The following RORB variants were observed in gnomAD, a reference collection of about 807,000 sequenced individuals.
The protein encoded by RORB is RAR related orphan receptor B.
RORB carries 6 observed loss-of-function variants against 59.1 expected under a neutral mutation model. The observed-to-expected ratio is 0.10, with a 90% CI of 0.06 to 0.20. The LOEUF (loss-of-function observed/expected upper bound fraction) is 0.20. RORB is among the 10% of genes least tolerant of loss of function. The probability of loss-of-function intolerance (pLI) is 1.00; values close to 1 mark genes in which losing one functional copy is unlikely to be tolerated. For synonymous variants in RORB, 215 were observed against 204.5 expected (o/e 1.05, Z -0.44); for missense variants, 320 against 560.5 (o/e 0.57, Z 4.33).
chr9:74,559,172 GA>G (rs554303923), intron 1 of RORB, among the ~76,000 whole-genome samples: 1 of 152,114 alleles, frequency 6.6e-6, no homozygotes, highest in Non-Finnish European at 1.5e-5. Flanking sequence ...CTACTGTTTC[GA>G]AAAATCCAAG....
chr9:74,689,508 C>A lies in RORB; in HGVS notation c.*3890C>A, dbSNP rs773394640. On this transcript the variant is annotated 3_prime_UTR_variant, in exon 10 of 10. Transcript: ENST00000376896. ...CCTTGTTTTAGCACTGTGTTCAGGG[C>A]TCTGGACTAAAGTACCTCTGAGTAG... 1.3e-5 allele frequency: 2 copies of A among 152,206 alleles called. No individual in the cohort carries two copies. The highest frequency in any genetic ancestry group is 2.9e-5 in the Non-Finnish European group (2 of 68,054). 9.4% of individuals were successfully genotyped at this position (152,206 alleles called of 1,614,324 possible).
At chr9:74,547,547 C>A (rs1826519762) in intron 1 of RORB, among the ~76,000 whole-genome samples, 1 of 152,076 alleles carries the variant, frequency 6.6e-6, no homozygotes, top group Non-Finnish European at 1.5e-5. Flanking sequence ...GTCAGGGAGG[C>A]CTCACTAAAA....
intron 3 of RORB, among the ~76,000 whole-genome samples, chr9:74,639,682 A>G (rs2118451917): frequency 6.6e-6 from 1 of 152,348 alleles, no homozygotes; most frequent in African/African-American, 2.4e-5. Flanking sequence ...AGCAATGGAT[A>G]CAAACCTTGT....
intron 2 of RORB, among the ~76,000 whole-genome samples, chr9:74,630,895 T>C (rs1823607212): frequency 6.6e-6 from 1 of 151,682 alleles, no homozygotes; most frequent in Non-Finnish European, 1.5e-5. Flanking sequence ...AGATTAACTC[T>C]AAATCGACTA....
chr9:74,668,815 A>G (rs1019991450), intron 8 of RORB, among the ~76,000 whole-genome samples: 4 of 152,104 alleles, frequency 2.6e-5, no homozygotes, highest in South Asian at 2.1e-4. Context: ...AAATCTTCAT[A>G]TAACTTGACC....
intron 1 of RORB, among the ~76,000 whole-genome samples, chr9:74,565,213 G>T (rs1048017239): frequency 2.6e-5 from 4 of 152,106 alleles, no homozygotes; most frequent in Non-Finnish European, 5.9e-5. Flanking sequence ...CCCAATCTTT[G>T]CAAAGACACA....
At chr9:74,514,989 T>A (rs533096793) in intron 1 of RORB, among the ~76,000 whole-genome samples, 22 of 150,986 alleles carry the variant, frequency 1.5e-4, no homozygotes, top group Non-Finnish European at 2.9e-4. Context: ...CAACTCTATA[T>A]CTTCTCCATA....
chr9:74,674,558 G>A (rs1312770211), intron 9 of RORB, among the ~76,000 whole-genome samples: 1 of 151,982 alleles, frequency 6.6e-6, no homozygotes, highest in Admixed American at 6.5e-5. Flanking sequence ...CATCTTGCAA[G>A]GGCAATCTCC....
chr9:74,516,701 CA>C (rs1587336659), intron 1 of RORB, among the ~76,000 whole-genome samples: 1 of 151,998 alleles, frequency 6.6e-6, no homozygotes, highest in East Asian at 1.9e-4. Flanking sequence ...ACTTAACTGA[CA>C]TATCAGTTAC....
chr9:74,627,566 CA>C (rs781356071), intron 1 of RORB, among the ~76,000 whole-genome samples: 1 of 152,186 alleles, frequency 6.6e-6, no homozygotes, highest in African/African-American at 2.4e-5. Context: ...TGTCACACCC[CA>C]GGGGGCAAAT....
chr9:74,556,460 T>C (rs1822291477), intron 1 of RORB, among the ~76,000 whole-genome samples: 1 of 152,178 alleles, frequency 6.6e-6, no homozygotes, highest in East Asian at 1.9e-4. Flanking sequence ...GCTGGAGTTA[T>C]GCAGCCAAAG....
chr9:74,594,764 CTA>C (rs1459935777), intron 1 of RORB, among the ~76,000 whole-genome samples: 42 of 151,928 alleles, frequency 2.8e-4, no homozygotes, highest in African/African-American at 9.9e-4. Context: ...TAAAATTCCA[CTA>C]TTTTCATTTG....
At chr9:74,610,492 A>G (rs1035538580) in intron 1 of RORB, among the ~76,000 whole-genome samples, 2 of 152,222 alleles carry the variant, frequency 1.3e-5, no homozygotes, top group Admixed American at 6.5e-5. Flanking sequence ...AATGCTTTGC[A>G]GGAATTATCT....
At chr9:74,639,524 A>C (rs573217712) in intron 3 of RORB, among the ~76,000 whole-genome samples, 18 of 152,316 alleles carry the variant, frequency 1.2e-4, no homozygotes, top group Admixed American at 6.5e-4. Context: ...AAAAAAAAAA[A>C]ACACAAATTT....
intron 1 of RORB, among the ~76,000 whole-genome samples, chr9:74,549,447 A>T (rs1313126018): frequency 2.7e-5 from 4 of 146,502 alleles, no homozygotes; most frequent in African/African-American, 1.0e-4. Context: ...CCGTCAAAAA[A>T]AAAAAAAGAA....
chr9:74,625,363 C>T (rs935034510), intron 1 of RORB, among the ~76,000 whole-genome samples: 4 of 152,148 alleles, frequency 2.6e-5, no homozygotes, highest in African/African-American at 7.2e-5. Flanking sequence ...CCTGTAATTC[C>T]AGCCCTTTGG....
At chr9:74,558,146 C>G (rs1228948763) in intron 1 of RORB, among the ~76,000 whole-genome samples, 2 of 151,806 alleles carry the variant, frequency 1.3e-5, no homozygotes, top group Admixed American at 6.6e-5. Context: ...TATATTTTTC[C>G]CATACTGTGA....
intron 1 of RORB, among the ~76,000 whole-genome samples, chr9:74,572,335 A>T (rs552526883): frequency 6.6e-6 from 1 of 152,304 alleles, no homozygotes; most frequent in Admixed American, 6.5e-5. Flanking sequence ...CAGGAAATAT[A>T]ATCCTTATTT....
At chr9:74,609,908 G>A (rs1823209013) in intron 1 of RORB, among the ~76,000 whole-genome samples, 1 of 152,190 alleles carries the variant, frequency 6.6e-6, no homozygotes, top group Non-Finnish European at 1.5e-5. Context: ...GTGGATAGAG[G>A]CCAAGGATGT....
Sources: gnomAD v4.1 joint callset for allele counts (sites outside exome capture counted in the v4.1 genomes callset) on GRCh38, gnomAD v4.1.1 for gene constraint, MANE v1.5 for transcripts, NCBI Gene and HGNC (gene_info 2026-07-23, HGNC 2026-07-21) for gene names.